The following TMEM266 variants were observed in gnomAD, a reference collection of about 807,000 sequenced individuals.
The protein encoded by TMEM266 is Hv1 related protein 1.
In TMEM266, 33 loss-of-function variants were observed where a neutral mutation model predicts 50.5. The ratio of observed to expected loss-of-function variants is 0.65; its 90% confidence interval spans 0.50 to 0.87. TMEM266 has a LOEUF of 0.87. Ranked by LOEUF, TMEM266 falls within the 40% of genes least tolerant of loss-of-function variation. The pLI is 0.00. For synonymous variants in TMEM266, 310 were observed against 292.3 expected (o/e 1.06, Z -0.62); for missense variants, 655 against 695.1 (o/e 0.94, Z 0.65).
chr15:76,105,299 A>G (rs1567152406), intron 1 of TMEM266, among the ~76,000 whole-genome samples: 1 of 152,090 alleles, frequency 6.6e-6, no homozygotes, highest in Non-Finnish European at 1.5e-5. Flanking sequence ...CCCCCTTGTG[A>G]GCCCCACAAA....
In TMEM266 at chr15:76,095,223, C is replaced by T. The variant is rs372155061; in HGVS notation, c.-97+35207C>T. Among the ~76,000 whole-genome samples the T allele has an allele frequency of 1.4e-4, 21 of 152,056 alleles. No individual in the cohort carries two copies. In the East Asian group the frequency reaches 2.9e-3, roughly 21 times the overall value. ...CAAAGGGAATGCTTCCAGTTTTTGC[C>T]CATTTGGTATTATATTGGCTGTGGG... On this transcript the variant is annotated intron_variant, in intron 1 of 10. Coordinates refer to ENST00000388942, the MANE Select transcript of TMEM266 (RefSeq NM_152335.3).
At chr15:76,182,914 A>C (rs1183793232) in intron 8 of TMEM266, among the ~76,000 whole-genome samples, 2 of 152,074 alleles carry the variant, frequency 1.3e-5, no homozygotes, top group Non-Finnish European at 2.9e-5. Context: ...CATCTGCCTG[A>C]GTCACTGATA....
In TMEM266 at chr15:76,203,899, G is replaced by T; in HGVS notation, c.1180G>T (p.Val394Phe). ...CTCGGAGAGTGCCTCCCGCAGCTCA[G>T]TCACCCGGGCCCAGAGTGACAGCAG... Residue 394 changes from valine to phenylalanine, a missense_variant, in exon 11 of 11, where the codon GTC (valine) becomes TTC (phenylalanine). This residue lies in a region of TMEM266 where 455 missense variants were observed against 401.8 expected (regional missense o/e 1.13). Transcript: ENST00000388942. 1.2e-6 allele frequency: 2 copies of T among 1,614,100 alleles called. No homozygotes were observed. Among genetic ancestry groups the T allele is most frequent in the Non-Finnish European group, 1.7e-6 (2 of 1,180,026 alleles).
intron 1 of TMEM266, among the ~76,000 whole-genome samples, chr15:76,128,013 T>G (rs1237227565): frequency 2.0e-5 from 3 of 152,182 alleles, no homozygotes; most frequent in Non-Finnish European, 2.9e-5. Flanking sequence ...TGAGAACCAC[T>G]GATACAGAGG....
chr15:76,132,367 C>G (rs2037521957), intron 1 of TMEM266, among the ~76,000 whole-genome samples: 2 of 151,980 alleles, frequency 1.3e-5, no homozygotes, highest in Admixed American at 6.5e-5. Flanking sequence ...CCTCAGCCTC[C>G]CAAAGTCCTG....
At position 76,157,177 on chromosome 15, in the gene TMEM266, A is replaced by G. The variant is rs8035256; in HGVS notation, c.382+419A>G. On this transcript the variant is annotated intron_variant, in intron 4 of 10. Coordinates refer to ENST00000388942, the MANE Select transcript of TMEM266 (RefSeq NM_152335.3). Reference sequence around the variant, plus strand: ...GTAGTAACTAATTATGACAGCGACCACAGTGATGATAAGATTCCTGGTATT... The same window carrying G: ...GTAGTAACTAATTATGACAGCGACCGCAGTGATGATAAGATTCCTGGTATT... 1.9e-3 allele frequency among the ~76,000 whole-genome samples: 294 copies of G among 152,342 alleles called. 1 individual carries two copies. Among genetic ancestry groups the G allele is most frequent in the African/African-American group, 6.5e-3 (272 of 41,570 alleles).
At chr15:76,179,448 G>T (rs939314875) in intron 8 of TMEM266, among the ~76,000 whole-genome samples, 5 of 152,216 alleles carry the variant, frequency 3.3e-5, no homozygotes, top group Admixed American at 1.3e-4. Flanking sequence ...CACACAGCTA[G>T]TCCAGGGGGG....
chr15:76,142,367 G>A (rs1596131061), intron 3 of TMEM266, among the ~76,000 whole-genome samples: 1 of 152,222 alleles, frequency 6.6e-6, no homozygotes, highest in African/African-American at 2.4e-5. Flanking sequence ...ACTCCAGCCT[G>A]GGTGACAGAG....
rs147165865 is a variant in TMEM266 at position 76,140,709 on chromosome 15, G to A, written c.227+2814G>A. On this transcript the variant is annotated intron_variant, in intron 3 of 10. Transcript: ENST00000388942. The stretch of plus-strand genomic sequence containing the variant: ...CTTCTCAAAGGCAGCAGGGCCCAGG[G>A]AGTACAAGGAACTTGTGGAAGGTCA... 3.3e-3 allele frequency among the ~76,000 whole-genome samples: 500 copies of A among 152,204 alleles called. 6 individuals carry two copies. The highest frequency in any genetic ancestry group is 0.014 in the South Asian group (69 of 4,820).
At chr15:76,145,006 C>T (rs960193943) in intron 3 of TMEM266, among the ~76,000 whole-genome samples, 1 of 152,174 alleles carries the variant, frequency 6.6e-6, no homozygotes, top group Admixed American at 6.5e-5. Context: ...TTCCATCAGC[C>T]AGTTGCTTTG....
intron 3 of TMEM266, among the ~76,000 whole-genome samples, chr15:76,151,062 A>G (rs528551719): frequency 2.3e-4 from 35 of 152,196 alleles, no homozygotes; most frequent in African/African-American, 7.9e-4. Context: ...TGGCAGCCCA[A>G]GCCGGGCCCC....
At chr15:76,122,290 G>A (rs2037358390) in intron 1 of TMEM266, among the ~76,000 whole-genome samples, 1 of 152,258 alleles carries the variant, frequency 6.6e-6, no homozygotes, top group Non-Finnish European at 1.5e-5. Flanking sequence ...CAAAGCAAGT[G>A]GATTTGCTTG....
chr15:76,141,274 C>T (rs150759830), intron 3 of TMEM266, among the ~76,000 whole-genome samples: 8 of 144,006 alleles, frequency 5.6e-5, no homozygotes, highest in South Asian at 2.2e-4. Context: ...CTTGCTTTGT[C>T]GCCCAGGCTG....
At chr15:76,096,932 ATTTTT>A (rs61532742) in intron 1 of TMEM266, among the ~76,000 whole-genome samples, 1 of 125,924 alleles carries the variant, frequency 7.9e-6, no homozygotes, top group African/African-American at 3.0e-5. Flanking sequence ...GCAACTCCTG[ATTTTT>A]TTTTTTTTTT....
chr15:76,075,545 G>A (rs961438678), intron 1 of TMEM266, among the ~76,000 whole-genome samples: 1 of 152,134 alleles, frequency 6.6e-6, no homozygotes, highest in East Asian at 1.9e-4. Context: ...TTAATGATAC[G>A]ACATGTTGGG....
intron 4 of TMEM266, among the ~76,000 whole-genome samples, chr15:76,159,235 G>A (rs1424897141): frequency 6.6e-6 from 1 of 152,220 alleles, no homozygotes; most frequent in Non-Finnish European, 1.5e-5. Context: ...GAGCTCACCT[G>A]ACCCTTGTCC....
At chr15:76,198,724 G>A (rs1008475867) in intron 9 of TMEM266, among the ~76,000 whole-genome samples, 1 of 152,256 alleles carries the variant, frequency 6.6e-6, no homozygotes, top group Non-Finnish European at 1.5e-5. Context: ...TGCCCTCCAA[G>A]GCCCTTGGTC....
intron 1 of TMEM266, among the ~76,000 whole-genome samples, chr15:76,073,581 A>G (rs572035069): frequency 6.6e-6 from 1 of 152,326 alleles, no homozygotes; most frequent in African/African-American, 2.4e-5. Context: ...ACAGCAGGAT[A>G]AAATAATTCA....
chr15:76,089,664 A>G (rs1472735784), intron 1 of TMEM266, among the ~76,000 whole-genome samples: 1 of 152,146 alleles, frequency 6.6e-6, no homozygotes, highest in Non-Finnish European at 1.5e-5. Flanking sequence ...GGGCAAAGAT[A>G]TGGTCGTGCG....
Sources: gnomAD v4.1 joint callset for allele counts (sites outside exome capture counted in the v4.1 genomes callset) on GRCh38, gnomAD v4.1.1 for gene constraint, gnomAD v4.1.1 regional missense constraint, MANE v1.5 for transcripts, NCBI Gene and HGNC (gene_info 2026-07-23, HGNC 2026-07-21) for gene names.